Variants in MGAT3 observed in about 807,000 individuals in gnomAD.
MGAT3 encodes beta-1,4-mannosyl-glycoprotein 4-beta-N-acetylglucosaminyltransferase, also known as GlcNAc-T III.
A neutral mutation model predicts 29.8 loss-of-function variants in MGAT3; 9 were observed. That is an observed-to-expected ratio of 0.30 (90% CI 0.18 to 0.53). The LOEUF (loss-of-function observed/expected upper bound fraction) is 0.53, where lower values mean the gene tolerates loss of function less well. Ranked by LOEUF, MGAT3 falls within the 20% of genes least tolerant of loss-of-function variation. The pLI, the probability that MGAT3 is intolerant of heterozygous loss-of-function variation, is 0.96. For synonymous variants in MGAT3, 397 were observed against 348.9 expected (o/e 1.14, Z -1.54); for missense variants, 557 against 769.5 (o/e 0.72, Z 3.27).
intron 1 of MGAT3, among the ~76,000 whole-genome samples, chr22:39,484,290 C>A (rs772495744): frequency 4.6e-5 from 7 of 152,316 alleles, no homozygotes; most frequent in Non-Finnish European, 1.0e-4. Context: ...ATTGAGCATG[C>A]TGCATGCCAG....
intron 1 of MGAT3, among the ~76,000 whole-genome samples, chr22:39,466,092 G>C (rs1194410245): frequency 2.6e-5 from 4 of 152,210 alleles, no homozygotes; most frequent in Admixed American, 2.0e-4. Context: ...AGGCCCAGGG[G>C]TGGCAGGATG....
rs1169149919 is a variant in MGAT3, at chr22:39,488,544, C to T, written c.1197C>T (p.Thr399=). Residue 399 remains threonine (T), a synonymous_variant, in exon 2 of 2, where the codon ACC becomes ACT. Coordinates refer to ENST00000341184, the MANE Select transcript of MGAT3 (RefSeq NM_002409.5). ...MPNFRQYENR[T]GHILVQWSLG... ...ACTTCAGACAGTATGAGAACCGCAC[C>T]GGCCACATCCTGGTGCAGTGGTCGC... The T allele has an allele frequency of 1.2e-6, 2 of 1,613,304 alleles. No homozygotes were observed. The highest frequency in any genetic ancestry group is 1.3e-5 in the African/African-American group (1 of 75,068).
At position 39,487,491 on chromosome 22, in the gene MGAT3, C is replaced by T. The variant is rs777743562; in HGVS notation, c.144C>T (p.Ser48=). The T allele has an allele frequency of 6.2e-6, 10 of 1,613,510 alleles. No homozygotes were observed. The African/African-American group carries it at 1.1e-4, about 17-fold the overall frequency. ...CCCTCAGCCCTAACCTGGTGTCCAGCTTTTTCTGGAACAATGCCCCGGTCA... is the reference window on the plus strand; with the variant it reads ...CCCTCAGCCCTAACCTGGTGTCCAGTTTTTTCTGGAACAATGCCCCGGTCA... ...LASLSPNLVS[S]FFWNNAPVTP... The change falls in exon 2 of 2, where the codon AGC becomes AGT. Residue 48 remains serine (S), a synonymous_variant. Transcript: ENST00000341184. The surrounding 1 kb of genome is among the most constrained non-coding windows in gnomAD (Gnocchi z 5.7).
At chr22:39,459,062 C>T (rs966690415) in intron 1 of MGAT3, among the ~76,000 whole-genome samples, 16 of 39,286 alleles carry the variant, frequency 4.1e-4, no homozygotes, top group Non-Finnish European at 6.2e-4. Context: ...TTTTTCTTTT[C>T]TTTTCTTTTC....
At chr22:39,474,673 A>G (rs922807838) in intron 1 of MGAT3, among the ~76,000 whole-genome samples, 2 of 152,146 alleles carry the variant, frequency 1.3e-5, no homozygotes, top group African/African-American at 4.8e-5. Context: ...TCTCCCTGAG[A>G]GATAAAGAGC....
At chr22:39,465,570 G>A (rs1041939714) in intron 1 of MGAT3, among the ~76,000 whole-genome samples, 7 of 152,112 alleles carry the variant, frequency 4.6e-5, no homozygotes, top group African/African-American at 1.2e-4. Flanking sequence ...AGACACGATC[G>A]AACCACTTCC....
intron 1 of MGAT3, chr22:39,486,143 A>AT: frequency 2.8e-6 from 1 of 357,828 alleles, no homozygotes; most frequent in Non-Finnish European, 5.0e-6. Flanking sequence ...ATAGACCTCA[A>AT]ATTTTTTTTT....
rs187316205 is a variant in MGAT3 at position 39,473,317 on chromosome 22, G to A, written c.-1-14030G>A. ...CATATGGCGAGGGCCCTCATGCTGC[G>A]TCATCCCATGGCAGAAGGGCAGAAG... On this transcript the variant is annotated intron_variant, in intron 1 of 1. Transcript: ENST00000341184. Among the ~76,000 whole-genome samples the A allele has an allele frequency of 9.9e-5, 15 of 152,258 alleles. No homozygotes were observed. The East Asian group carries it at 2.1e-3, about 22-fold the overall frequency.
At chr22:39,475,638 G>A (rs1215910018) in intron 1 of MGAT3, among the ~76,000 whole-genome samples, 3 of 152,166 alleles carry the variant, frequency 2.0e-5, no homozygotes, top group Admixed American at 6.5e-5. Flanking sequence ...TGGCGCCCTG[G>A]GATGCTCCCT....
At chr22:39,466,488 C>T (rs867680577) in intron 1 of MGAT3, among the ~76,000 whole-genome samples, 1 of 152,188 alleles carries the variant, frequency 6.6e-6, no homozygotes, top group African/African-American at 2.4e-5. Flanking sequence ...TTTCTTCCCC[C>T]GCGTCCCCCA....
intron 1 of MGAT3, among the ~76,000 whole-genome samples, chr22:39,463,052 G>A (rs906623281): frequency 7.2e-5 from 11 of 152,152 alleles, no homozygotes; most frequent in East Asian, 1.9e-4. Context: ...AGGCCGGCCC[G>A]AGTGGGTTCT....
Position 39,489,055 on chromosome 22 carries a change from T to G in MGAT3, c.*106T>G, listed in dbSNP as rs1273521631. ...CCTTGGTTCTTGAGGGGACCAGGAG[T>G]GGGTGGGGAGTGGGGGTGGGGGTAG... is the stretch of plus-strand genomic sequence containing the variant. On this transcript the variant is annotated 3_prime_UTR_variant, in exon 2 of 2. Transcript: ENST00000341184. 884 of 512,580 alleles carry G rather than the reference T, an allele frequency of 1.7e-3. No homozygotes were observed. Among genetic ancestry groups the G allele is most frequent in the Middle Eastern group, 4.6e-3 (7 of 1,520 alleles). 31.8% of individuals were successfully genotyped at this position (512,580 alleles called of 1,614,324 possible).
chr22:39,484,394 A>G (rs1385716727), intron 1 of MGAT3, among the ~76,000 whole-genome samples: 1 of 151,974 alleles, frequency 6.6e-6, no homozygotes, highest in African/African-American at 2.4e-5. Context: ...GTTTTTTGAG[A>G]CGGAGTCTCA....
At chr22:39,473,376 A>G (rs906164202) in intron 1 of MGAT3, among the ~76,000 whole-genome samples, 2 of 152,206 alleles carry the variant, frequency 1.3e-5, no homozygotes, top group Non-Finnish European at 2.9e-5. Flanking sequence ...GGCTGACCGC[A>G]TGCAGTTATC....
chr22:39,476,702 G>A (rs1003538), intron 1 of MGAT3: 84,560 of 151,720 alleles, frequency 0.56, 24,971 homozygotes, highest in East Asian at 0.98. Context: ...CTCCGTTTCC[G>A]TCTGTTTCAT....
intron 1 of MGAT3, among the ~76,000 whole-genome samples, chr22:39,465,780 A>G (rs1350443383): frequency 6.6e-6 from 1 of 151,954 alleles, no homozygotes; most frequent in Non-Finnish European, 1.5e-5. Flanking sequence ...AAAAATACAA[A>G]AATTAGCCGG....
Position 39,491,349 on chromosome 22 carries a change from C to T in MGAT3, c.*2400C>T, listed in dbSNP as rs1484825079. The T allele has an allele frequency of 6.0e-6, 1 of 167,478 alleles. No homozygotes were observed. The highest frequency in any genetic ancestry group is 6.5e-5 in the Admixed American group (1 of 15,294). The allele number at this position is 167,478 out of a possible 1,614,324, so 10.4% of individuals were successfully genotyped here. A position where few individuals can be genotyped will look rare whatever the true frequency, so the allele number is the denominator to read the frequency against. ...TTGGGGCTGAGAGGTGGCTCAAACA[C>T]TCGGGGTCCCTATGGCTCTGGGTCA... On this transcript the variant is annotated 3_prime_UTR_variant, in exon 2 of 2. Coordinates refer to ENST00000341184, the MANE Select transcript of MGAT3 (RefSeq NM_002409.5). The surrounding 1 kb of genome is among the most constrained non-coding windows in gnomAD (Gnocchi z 5.5).
In MGAT3 at chr22:39,483,399, G is replaced by A. The variant is rs150468197; in HGVS notation, c.-1-3948G>A. On this transcript the variant is annotated intron_variant, in intron 1 of 1. Coordinates refer to ENST00000341184, the MANE Select transcript of MGAT3 (RefSeq NM_002409.5). Reference sequence around the variant, plus strand: ...TCCCAGCTACTCAGGAGGCTAAGGCGGGAGAATTGCTTGAGGCAGAGGTTG... The same window carrying A: ...TCCCAGCTACTCAGGAGGCTAAGGCAGGAGAATTGCTTGAGGCAGAGGTTG... 6.0e-4 allele frequency among the ~76,000 whole-genome samples: 91 copies of A among 152,186 alleles called. 1 individual carries two copies. Among genetic ancestry groups the A allele is most frequent in the African/African-American group, 2.1e-3 (89 of 41,518 alleles).
At chr22:39,480,147 G>A (rs1228957228) in intron 1 of MGAT3, among the ~76,000 whole-genome samples, 7 of 152,196 alleles carry the variant, frequency 4.6e-5, no homozygotes, top group Non-Finnish European at 1.0e-4. Flanking sequence ...TGGGGCAGAG[G>A]CAGGTGCTTT....
Sources: gnomAD v4.1 joint callset for allele counts (sites outside exome capture counted in the v4.1 genomes callset) on GRCh38, gnomAD v4.1.1 for gene constraint, Gnocchi (gnomAD v3.1) non-coding constraint, MANE v1.5 for transcripts, NCBI Gene and HGNC (gene_info 2026-07-23, HGNC 2026-07-21) for gene names.